Variants in UBASH3B observed in about 807,000 individuals in gnomAD.
UBASH3B encodes the protein ubiquitin-associated and SH3 domain-containing protein B.
Under a neutral mutation model 83.4 loss-of-function variants are expected in UBASH3B, and 37 were observed. That is an observed-to-expected ratio of 0.44 (90% CI 0.34 to 0.58). The LOEUF is 0.58. Ranked by LOEUF, UBASH3B falls within the 20% of genes least tolerant of loss-of-function variation. The pLI is 0.01. For missense variants in UBASH3B, 657 were observed against 827.2 expected, an observed-to-expected ratio of 0.79 and a Z score of 2.52; for synonymous variants, 304 against 318.3, an observed-to-expected ratio of 0.96 and a Z score of 0.48.
chr11:122,695,046 C>T (rs1863949180), intron 1 of UBASH3B, among the ~76,000 whole-genome samples: 1 of 143,364 alleles, frequency 7.0e-6, no homozygotes, highest in Admixed American at 7.4e-5. Flanking sequence ...TCACCACCAC[C>T]TCTGCCTCCC....
chr11:122,723,439 C>T (rs142260996), intron 1 of UBASH3B, among the ~76,000 whole-genome samples: 140 of 152,370 alleles, frequency 9.2e-4, no homozygotes, highest in African/African-American at 3.2e-3. Flanking sequence ...GAGACGCATT[C>T]TCCCATCTAT....
rs893599448 is a variant in UBASH3B, at chr11:122,760,208, G to A, written c.162-16011G>A. On this transcript the variant is annotated intron_variant, in intron 1 of 13. Transcript: ENST00000284273. ...ATTTGGAAGGTGCTATGATACAACC[G>A]CCTGGCTGGTAAGGGTGCCCAGACA... is the stretch of plus-strand genomic sequence containing the variant. 3.3e-5 allele frequency among the ~76,000 whole-genome samples: 5 copies of A among 152,300 alleles called. No individual in the cohort carries two copies. The East Asian group carries it at 5.8e-4, about 18-fold the overall frequency.
At chr11:122,728,802 A>G (rs12421309) in intron 1 of UBASH3B, among the ~76,000 whole-genome samples, 13,057 of 152,290 alleles carry the variant, frequency 0.086, 724 homozygotes, top group Admixed American at 0.15. Context: ...TACTTCTAAC[A>G]TCTAGCACAG....
chr11:122,744,645 G>A (rs549725364), intron 1 of UBASH3B, among the ~76,000 whole-genome samples: 3 of 152,116 alleles, frequency 2.0e-5, no homozygotes, highest in African/African-American at 2.4e-5. Flanking sequence ...GTGTGACAAC[G>A]CAAGTGTATG....
chr11:122,774,643 G>C (rs1489206451), intron 1 of UBASH3B, among the ~76,000 whole-genome samples: 1 of 152,182 alleles, frequency 6.6e-6, no homozygotes, highest in Non-Finnish European at 1.5e-5. Context: ...AAGGATGCTT[G>C]CAGAGTGTCA....
chr11:122,754,139 A>C (rs911894957), intron 1 of UBASH3B, among the ~76,000 whole-genome samples: 12 of 152,228 alleles, frequency 7.9e-5, no homozygotes, highest in African/African-American at 2.9e-4. Context: ...ATGGTTTTAC[A>C]GTCAATAGTG....
intron 5 of UBASH3B, among the ~76,000 whole-genome samples, chr11:122,786,328 T>C (rs910250380): frequency 5.3e-5 from 8 of 151,434 alleles, no homozygotes; most frequent in African/African-American, 1.9e-4. Flanking sequence ...GAATTACAGG[T>C]GTGAGCCACA....
At chr11:122,683,611 A>G (rs76019187) in intron 1 of UBASH3B, among the ~76,000 whole-genome samples, 1 of 148,554 alleles carries the variant, frequency 6.7e-6, no homozygotes, top group Non-Finnish European at 1.5e-5. Flanking sequence ...TCTCAAAAAA[A>G]AAAAAAAATA....
intron 1 of UBASH3B, among the ~76,000 whole-genome samples, chr11:122,714,552 G>A (rs1407258990): frequency 6.6e-6 from 1 of 152,208 alleles, no homozygotes; most frequent in African/African-American, 2.4e-5. Flanking sequence ...TGGAGAGAGT[G>A]AAGGATTGAA....
intron 1 of UBASH3B, among the ~76,000 whole-genome samples, chr11:122,724,223 C>T (rs1007278297): frequency 3.3e-5 from 5 of 152,240 alleles, no homozygotes; most frequent in Non-Finnish European, 5.9e-5. Context: ...GTAATTGTCA[C>T]TGTGCCTCGG....
intron 1 of UBASH3B, among the ~76,000 whole-genome samples, chr11:122,773,016 T>G (rs1860673698): frequency 6.6e-6 from 1 of 152,238 alleles, no homozygotes; most frequent in Admixed American, 6.5e-5. Context: ...AATTTGTTGC[T>G]ATCATCCAAT....
chr11:122,681,895 G>A (rs1033831534), intron 1 of UBASH3B, among the ~76,000 whole-genome samples: 1 of 152,180 alleles, frequency 6.6e-6, no homozygotes, highest in Non-Finnish European at 1.5e-5. Context: ...TGGTCAGCGT[G>A]TCTGCGATCC....
At position 122,655,940 on chromosome 11, in the gene UBASH3B, T is replaced by A. The variant is rs1238200011; in HGVS notation, c.-110T>A. 5.8e-6 allele frequency: 7 copies of A among 1,205,280 alleles called. No individual in the cohort carries two copies. In the East Asian group the frequency reaches 1.6e-4, roughly 27 times the overall value. The allele number at this position is 1,205,280 out of a possible 1,614,324, so 74.7% of individuals were successfully genotyped here. Reference sequence around the variant, plus strand: ...CGCCGCCTCCGCTGCCGCCGCCTCCTGCCTGGCTCTGGGTCCCCGAGCCCC... The same window carrying A: ...CGCCGCCTCCGCTGCCGCCGCCTCCAGCCTGGCTCTGGGTCCCCGAGCCCC... On this transcript the variant is annotated 5_prime_UTR_variant, in exon 1 of 14. Transcript: ENST00000284273.
At chr11:122,751,043 C>T (rs541541229) in intron 1 of UBASH3B, among the ~76,000 whole-genome samples, 25 of 152,268 alleles carry the variant, frequency 1.6e-4, no homozygotes, top group Admixed American at 3.3e-4. Context: ...CGGATGTGTA[C>T]CTGCAGGTAG....
intron 1 of UBASH3B, among the ~76,000 whole-genome samples, chr11:122,749,522 C>A (rs539986947): frequency 1.3e-5 from 2 of 152,272 alleles, no homozygotes; most frequent in African/African-American, 4.8e-5. Flanking sequence ...TCCAAACAAC[C>A]CTCTCTGTAT....
intron 1 of UBASH3B, among the ~76,000 whole-genome samples, chr11:122,765,176 C>G (rs1056241675): frequency 6.6e-6 from 1 of 151,904 alleles, no homozygotes; most frequent in African/African-American, 2.4e-5. Context: ...AGGAAAGCCT[C>G]TGCTGATTTA....
intron 1 of UBASH3B, among the ~76,000 whole-genome samples, chr11:122,716,210 T>C (rs1208854979): frequency 1.3e-5 from 2 of 152,154 alleles, no homozygotes; most frequent in Non-Finnish European, 2.9e-5. Context: ...CTCACTCTGT[T>C]GCCCAGACTG....
intron 1 of UBASH3B, among the ~76,000 whole-genome samples, chr11:122,697,670 T>C (rs1331270245): frequency 6.6e-6 from 1 of 152,212 alleles, no homozygotes; most frequent in East Asian, 1.9e-4. Flanking sequence ...CCAATGTGAA[T>C]TGTTTATTTG....
chr11:122,768,824 A>G (rs1430569238), intron 1 of UBASH3B, among the ~76,000 whole-genome samples: 1 of 152,120 alleles, frequency 6.6e-6, no homozygotes, highest in Non-Finnish European at 1.5e-5. Context: ...ATATATTTAC[A>G]AAACAAAATT....
Sources: allele counts gnomAD v4.1 joint callset (sites outside exome capture counted in the v4.1 genomes callset), GRCh38; gene constraint gnomAD v4.1.1; transcripts MANE v1.5; gene names NCBI Gene and HGNC (gene_info 2026-07-23, HGNC 2026-07-21).